The following LIPN variants were observed in gnomAD, a reference collection of about 807,000 sequenced individuals.
LIPN encodes lipase member N.
LIPN carries 32 observed loss-of-function variants against 43.7 expected under a neutral mutation model. The ratio of observed to expected loss-of-function variants is 0.73; its 90% CI spans 0.55 to 0.98. The LOEUF is 0.98. Ranked by LOEUF, LIPN falls within the 50% of genes least tolerant of loss-of-function variation. The probability of loss-of-function intolerance (pLI) is 0.00; values close to 1 mark genes in which losing one functional copy is unlikely to be tolerated. For synonymous variants in LIPN, 156 were observed against 157.6 expected (o/e 0.99, Z 0.08); for missense variants, 505 against 483.8 (o/e 1.04, Z -0.41).
chr10:88,775,208 A>G (rs1056192141), intron 9 of LIPN, 45 bp downstream of exon 9: 14 of 1,343,130 alleles, frequency 1.0e-5, no homozygotes, highest in South Asian at 5.5e-5. Context: ...TTGATAAATT[A>G]TAATAAAAAA....
intron 9 of LIPN, 27 bp downstream of exon 9, chr10:88,775,190 T>C: frequency 1.4e-6 from 2 of 1,433,028 alleles, no homozygotes; most frequent in Non-Finnish European, 1.9e-6. Context: ...AACCCCAGCA[T>C]GCTGATTTTG....
intron 9 of LIPN, among the ~76,000 whole-genome samples, chr10:88,776,945 T>A (rs1480664688): frequency 6.6e-6 from 1 of 152,066 alleles, no homozygotes; most frequent in Non-Finnish European, 1.5e-5. Context: ...CTGTCCCTTA[T>A]GAAAAACAAG....
intron 5 of LIPN, among the ~76,000 whole-genome samples, chr10:88,768,330 C>T (rs1441732207): frequency 2.6e-5 from 4 of 151,746 alleles, no homozygotes; most frequent in African/African-American, 9.7e-5. Context: ...AATTTCATTC[C>T]ATAGTGAGAA....
At chr10:88,760,804 A>G (rs1842983915) in intron 1 of LIPN, among the ~76,000 whole-genome samples, 1 of 152,146 alleles carries the variant, frequency 6.6e-6, no homozygotes, top group Non-Finnish European at 1.5e-5. Flanking sequence ...TATGATGAGC[A>G]CGCTGTTTAG....
At chr10:88,772,029 A>G (rs1230046122) in intron 7 of LIPN, among the ~76,000 whole-genome samples, 2 of 151,684 alleles carry the variant, frequency 1.3e-5, no homozygotes, top group South Asian at 2.1e-4. Context: ...ATTGTTTTTA[A>G]TGTACCTCTT....
chr10:88,770,756 T>C (rs2134850598), intron 6 of LIPN, 89 bp from the exon 7 acceptor site: 1 of 780,700 alleles, frequency 1.3e-6, no homozygotes, highest in Non-Finnish European at 2.0e-6. Flanking sequence ...GTTGAGCTCC[T>C]TATATATTCT....
At chr10:88,776,194 T>C (rs977839986) in intron 9 of LIPN, among the ~76,000 whole-genome samples, 6 of 151,932 alleles carry the variant, frequency 3.9e-5, no homozygotes, top group African/African-American at 1.5e-4. Context: ...CAAATGCGTG[T>C]ATTTGCAAAT....
chr10:88,776,790 C>T (rs983676006), intron 9 of LIPN, among the ~76,000 whole-genome samples: 8 of 152,020 alleles, frequency 5.3e-5, no homozygotes, highest in Non-Finnish European at 1.5e-5. Flanking sequence ...TAACTTTAAT[C>T]TACCTCAAAA....
intron 9 of LIPN, 26 bp from the exon 10 acceptor site, chr10:88,777,983 G>C (rs1209060334): frequency 6.8e-7 from 1 of 1,467,276 alleles, no homozygotes; most frequent in Admixed American, 1.7e-5. Context: ...TTCCTCTCAT[G>C]AATGCCCTTG....
At chr10:88,768,489 G>T (rs1182113507) in intron 5 of LIPN, among the ~76,000 whole-genome samples, 4 of 151,862 alleles carry the variant, frequency 2.6e-5, no homozygotes, top group Non-Finnish European at 5.9e-5. Context: ...TTTACCCCAT[G>T]CTTGGGAAGT....
At chr10:88,767,430 T>A (rs1843120979) in intron 5 of LIPN, among the ~76,000 whole-genome samples, 1 of 151,610 alleles carries the variant, frequency 6.6e-6, no homozygotes, top group South Asian at 2.1e-4. Flanking sequence ...TTCCCCACAG[T>A]ATCTCCCTCT....
At chr10:88,777,112 C>A (rs1843308184) in intron 9 of LIPN, among the ~76,000 whole-genome samples, 1 of 152,068 alleles carries the variant, frequency 6.6e-6, no homozygotes, top group African/African-American at 2.4e-5. Flanking sequence ...TAAAGTCACC[C>A]ATGGCTTTTA....
Position 88,764,521 on chromosome 10 carries a change from A to G in LIPN, c.338A>G (p.Asp113Gly), listed in dbSNP as rs771366842. 1 of 1,612,302 alleles carries G rather than the reference A, an allele frequency of 6.2e-7. No homozygotes were observed. Among genetic ancestry groups the G allele is most frequent in the Non-Finnish European group, 8.5e-7 (1 of 1,178,956 alleles). The change falls in exon 4 of 10, where the codon GAT (aspartate) becomes GGT (glycine). Residue 113 changes from aspartate to glycine, a missense_variant. By Grantham distance (94) the Asp-to-Gly change is moderately conservative. Coordinates refer to ENST00000404459, the MANE Select transcript of LIPN (RefSeq NM_001102469.2). ...LGFLLADAGY[D>G]VWMGNSRGNT... ...TTCCTTCTAGCAGATGCAGGTTATG[A>G]TGTATGGATGGGAAACAGTCGGGGA...
intron 5 of LIPN, among the ~76,000 whole-genome samples, chr10:88,767,664 A>C (rs1439143750): frequency 7.2e-5 from 5 of 69,902 alleles, no homozygotes; most frequent in African/African-American, 2.1e-4. Context: ...AAAAAAAAAA[A>C]AAAAAAAAAA....
At chr10:88,760,533 A>G (rs766925425) in intron 1 of LIPN, among the ~76,000 whole-genome samples, 1 of 152,166 alleles carries the variant, frequency 6.6e-6, no homozygotes, top group Non-Finnish European at 1.5e-5. Context: ...ACTTTGTTAT[A>G]GTGAATTATC....
intron 8 of LIPN, 100 bp from the exon 9 acceptor site, chr10:88,774,992 C>A (rs1843272530): frequency 1.4e-6 from 1 of 703,556 alleles, no homozygotes; most frequent in South Asian, 1.8e-5. Context: ...GATCTAGGAG[C>A]CCTATTTTCG....
chr10:88,766,626 C>T (rs1408582362), intron 5 of LIPN, among the ~76,000 whole-genome samples: 1 of 151,838 alleles, frequency 6.6e-6, no homozygotes, highest in Non-Finnish European at 1.5e-5. Flanking sequence ...ATGCAACTTC[C>T]CAGGAATAAC....
intron 3 of LIPN, 61 bp from the exon 4 acceptor site, chr10:88,764,349 C>A: frequency 7.7e-7 from 1 of 1,298,234 alleles, no homozygotes; most frequent in Non-Finnish European, 1.1e-6. Context: ...AAATTACTCT[C>A]ACTCTTTCTC....
chr10:88,760,431 G>A (rs1842979211), intron 1 of LIPN, among the ~76,000 whole-genome samples: 1 of 152,070 alleles, frequency 6.6e-6, no homozygotes, highest in Non-Finnish European at 1.5e-5. Flanking sequence ...CATAATATTT[G>A]CAGATATAAG....
Sources: gnomAD v4.1 joint callset for allele counts (sites outside exome capture counted in the v4.1 genomes callset) on GRCh38, gnomAD v4.1.1 for gene constraint, MANE v1.5 for transcripts, NCBI Gene and HGNC (gene_info 2026-07-23, HGNC 2026-07-21) for gene names.